The following CDH10 variants were observed in gnomAD, a reference collection of about 807,000 sequenced individuals.
CDH10 encodes the protein cadherin-10.
A neutral mutation model predicts 73.1 loss-of-function variants in CDH10; 30 were observed. The observed-to-expected ratio is 0.41, with a 90% CI of 0.31 to 0.56. The LOEUF (loss-of-function observed/expected upper bound fraction) is 0.56, where lower values mean the gene tolerates loss of function less well. Among genes scored for constraint, CDH10 ranks in the 20% least tolerant of loss-of-function variants. CDH10 has a pLI of 0.27. For synonymous variants in CDH10, 345 were observed against 348.2 expected, an observed-to-expected ratio of 0.99 and a Z score of 0.10; for missense variants, 815 against 973.7, an observed-to-expected ratio of 0.84 and a Z score of 2.17.
At chr5:24,513,924 C>T (rs984477766) in intron 5 of CDH10, among the ~76,000 whole-genome samples, 1 of 152,068 alleles carries the variant, frequency 6.6e-6, no homozygotes, top group East Asian at 1.9e-4. Context: ...AAGTAGTGCT[C>T]ACAATCACTT....
chr5:24,637,621 T>A (rs1333247808), intron 1 of CDH10, among the ~76,000 whole-genome samples: 1 of 151,776 alleles, frequency 6.6e-6, no homozygotes, highest in Non-Finnish European at 1.5e-5. Context: ...TGAAATTAAT[T>A]AGGAGCTAAA....
chr5:24,562,539 A>G (rs974027711), intron 2 of CDH10, among the ~76,000 whole-genome samples: 2 of 151,620 alleles, frequency 1.3e-5, no homozygotes, highest in Non-Finnish European at 2.9e-5. Flanking sequence ...TACCCTACGG[A>G]AAAAAAAATC....
chr5:24,620,702 A>G (rs570867081), intron 1 of CDH10, among the ~76,000 whole-genome samples: 76 of 152,292 alleles, frequency 5.0e-4, no homozygotes, highest in African/African-American at 1.8e-3. Context: ...CCAGTTGTAT[A>G]CTACCACACT....
chr5:24,588,142 A>T (rs1746084597), intron 2 of CDH10, among the ~76,000 whole-genome samples: 1 of 152,198 alleles, frequency 6.6e-6, no homozygotes, highest in Non-Finnish European at 1.5e-5. Flanking sequence ...CATCAGGAAG[A>T]TATTTATAAT....
At chr5:24,528,167 T>C (rs1174384344) in intron 5 of CDH10, among the ~76,000 whole-genome samples, 2 of 151,880 alleles carry the variant, frequency 1.3e-5, no homozygotes, top group Non-Finnish European at 2.9e-5. Context: ...AATCACACTG[T>C]ATCTAATGAA....
intron 5 of CDH10, among the ~76,000 whole-genome samples, chr5:24,532,648 T>TA (rs1008000941): frequency 2.6e-5 from 4 of 152,088 alleles, no homozygotes; most frequent in African/African-American, 9.7e-5. Flanking sequence ...AAGAATTAGA[T>TA]AAAAAAATTT....
chr5:24,542,825 A>G (rs1448954806), intron 2 of CDH10, among the ~76,000 whole-genome samples: 1 of 152,124 alleles, frequency 6.6e-6, no homozygotes, highest in Non-Finnish European at 1.5e-5. Context: ...GTCTTCATTG[A>G]GGATCTCTTG....
intron 1 of CDH10, among the ~76,000 whole-genome samples, chr5:24,616,454 G>A (rs896882879): frequency 3.3e-5 from 5 of 151,874 alleles, no homozygotes; most frequent in Admixed American, 3.3e-4. Flanking sequence ...AGGAATGAAG[G>A]CATAAAATAT....
rs1303905329 is a variant in CDH10 at position 24,576,237 on chromosome 5, G to A, written c.231+17023C>T. Reference sequence around the variant, plus strand: ...TATTGCTAGTGACAATAGCAATTAAGGTGAGGGTGACTTTTCCATTACTGA... The same window carrying A: ...TATTGCTAGTGACAATAGCAATTAAAGTGAGGGTGACTTTTCCATTACTGA... On this transcript the variant is annotated intron_variant, in intron 2 of 11. Coordinates refer to ENST00000264463, the MANE Select transcript of CDH10 (RefSeq NM_006727.5). Among the ~76,000 whole-genome samples the A allele has an allele frequency of 2.6e-5, 4 of 152,158 alleles. No individual in the cohort carries two copies. The East Asian group carries it at 7.7e-4, about 29-fold the overall frequency.
intron 8 of CDH10, among the ~76,000 whole-genome samples, chr5:24,504,199 C>A (rs764657747): frequency 4.9e-4 from 74 of 152,076 alleles, no homozygotes; most frequent in Non-Finnish European, 9.9e-4. Context: ...CTCCCCTTTT[C>A]TTCCTGAAAG....
At chr5:24,641,243 C>G (rs1027786846) in intron 1 of CDH10, among the ~76,000 whole-genome samples, 1 of 151,756 alleles carries the variant, frequency 6.6e-6, no homozygotes, top group Non-Finnish European at 1.5e-5. Flanking sequence ...GCTCTACAGT[C>G]AGAAAAGAAG....
intron 2 of CDH10, among the ~76,000 whole-genome samples, chr5:24,560,220 G>A (rs62349587): frequency 0.13 from 7,883 of 59,564 alleles, 262 homozygotes; most frequent in Middle Eastern, 0.27. Flanking sequence ...GTGTGTGTGT[G>A]TGTGTGTGTG....
At chr5:24,560,928 G>A (rs1219957397) in intron 2 of CDH10, among the ~76,000 whole-genome samples, 1 of 152,064 alleles carries the variant, frequency 6.6e-6, no homozygotes, top group East Asian at 1.9e-4. Context: ...TATAATACTA[G>A]ACTTGAATTC....
intron 6 of CDH10, 48 bp downstream of exon 6, chr5:24,511,279 C>T (rs1238442218): frequency 2.6e-6 from 3 of 1,144,226 alleles, no homozygotes; most frequent in Non-Finnish European, 3.9e-6. Context: ...ATAATGCAAT[C>T]CCTACTCCTG....
intron 9 of CDH10, among the ~76,000 whole-genome samples, chr5:24,493,333 G>C (rs1742133564): frequency 6.6e-6 from 1 of 151,888 alleles, no homozygotes; most frequent in African/African-American, 2.4e-5. Flanking sequence ...GAGGAATGTA[G>C]AGATTTTATA....
chr5:24,577,055 C>A (rs113218354), intron 2 of CDH10, among the ~76,000 whole-genome samples: 8 of 131,784 alleles, frequency 6.1e-5, no homozygotes, highest in Admixed American at 2.5e-4. Context: ...CACTCTAGTA[C>A]ACCTCAACGT....
chr5:24,521,270 T>C (rs1166623942), intron 5 of CDH10, among the ~76,000 whole-genome samples: 2 of 152,046 alleles, frequency 1.3e-5, no homozygotes, highest in African/African-American at 4.8e-5. Flanking sequence ...GTGGGCCGGG[T>C]GTGGTGGCTC....
rs572648399 is a variant in CDH10 at position 24,592,867 on chromosome 5, G to A, written c.231+393C>T. 5.8e-4 allele frequency among the ~76,000 whole-genome samples: 88 copies of A among 151,180 alleles called. 1 individual carries two copies. Among genetic ancestry groups the A allele is most frequent in the Middle Eastern group, 3.4e-3 (1 of 290 alleles). ...GTAGAAGATTAAACAACTTTGAAAT[G>A]TTTTTGCTTCCTCACTGAACTCAAT... On this transcript the variant is annotated intron_variant, in intron 2 of 11. Coordinates refer to ENST00000264463, the MANE Select transcript of CDH10 (RefSeq NM_006727.5).
chr5:24,513,411 A>G (rs6452205), intron 5 of CDH10, among the ~76,000 whole-genome samples: 72,601 of 151,820 alleles, frequency 0.48, 17,486 homozygotes, highest in East Asian at 0.58. Context: ...TGAGAAAATG[A>G]CACTGTTCAA....
Sources: gnomAD v4.1 joint callset for allele counts (sites outside exome capture counted in the v4.1 genomes callset) on GRCh38, gnomAD v4.1.1 for gene constraint, MANE v1.5 for transcripts, NCBI Gene and HGNC (gene_info 2026-07-23, HGNC 2026-07-21) for gene names.